Variants in SPECC1 observed in about 807,000 individuals in gnomAD.
SPECC1 encodes cytospin-B.
Under a neutral mutation model 104.1 loss-of-function variants are expected in SPECC1, and 62 were observed. The ratio of observed to expected loss-of-function variants is 0.60; its 90% CI spans 0.49 to 0.74. The LOEUF (loss-of-function observed/expected upper bound fraction) is 0.74, where lower values mean the gene tolerates loss of function less well. Ranked by LOEUF, SPECC1 falls within the 30% of genes least tolerant of loss-of-function variation. The pLI, the probability that SPECC1 is intolerant of heterozygous loss-of-function variation, is 0.00. For missense variants in SPECC1, 1,306 were observed against 1,310.5 expected (o/e 1.00, Z 0.05); for synonymous variants, 513 against 501.6 (o/e 1.02, Z -0.30).
intron 7 of SPECC1, chr17:20,238,205 C>T (rs1292168672): frequency 9.6e-7 from 1 of 1,038,736 alleles, no homozygotes; most frequent in African/African-American, 1.7e-5. Flanking sequence ...GATAGGTAAG[C>T]ACGGTGACAA....
chr17:20,035,453 T>C lies in SPECC1; in HGVS notation c.-22+26029T>C, dbSNP rs2045032099. Among the ~76,000 whole-genome samples the C allele has an allele frequency of 2.6e-5, 4 of 152,132 alleles. No homozygotes were observed. The South Asian group carries it at 8.3e-4, about 31-fold the overall frequency. On this transcript the variant is annotated intron_variant, in intron 1 of 14. Transcript: ENST00000395527. ...CACGCTATTTAAGTCTTCTTTGATT[T>C]CTTTTATCAGCGTTTTGTAGTTTTC... is the stretch of plus-strand genomic sequence containing the variant.
chr17:20,211,615 C>T (rs141187866), intron 4 of SPECC1, among the ~76,000 whole-genome samples: 86 of 152,342 alleles, frequency 5.6e-4, no homozygotes, highest in Non-Finnish European at 1.1e-3. Flanking sequence ...GCATGTGGCC[C>T]GGAACTCATG....
intron 12 of SPECC1, among the ~76,000 whole-genome samples, chr17:20,286,038 T>C (rs2040933444): frequency 6.6e-6 from 1 of 152,166 alleles, no homozygotes. Flanking sequence ...AGTCTTGAGC[T>C]CTTGGGCTTA....
intron 1 of SPECC1, among the ~76,000 whole-genome samples, chr17:20,021,859 T>G (rs1309618713): frequency 6.8e-6 from 1 of 147,254 alleles, no homozygotes; most frequent in African/African-American, 2.5e-5. Context: ...GATCTTTGCA[T>G]GCGCTTGGCA....
At chr17:20,081,455 G>T (rs947564695) in intron 1 of SPECC1, among the ~76,000 whole-genome samples, 1 of 152,106 alleles carries the variant, frequency 6.6e-6, no homozygotes, top group Non-Finnish European at 1.5e-5. Flanking sequence ...CCTGGGGAGC[G>T]GGGATGTGGG....
intron 2 of SPECC1, among the ~76,000 whole-genome samples, chr17:20,102,965 A>AGT (rs1445254958): frequency 3.3e-5 from 5 of 152,220 alleles, no homozygotes; most frequent in Non-Finnish European, 5.9e-5. Context: ...AACACTCTGA[A>AGT]GTGGGTACCA....
chr17:20,298,948 A>AGAGAGAGAGT, intron 13 of SPECC1, among the ~76,000 whole-genome samples: 6 of 49,070 alleles, frequency 1.2e-4, no homozygotes, highest in African/African-American at 5.6e-4. Flanking sequence ...AGAGAGAGAG[A>AGAGAGAGAGT]GTGTGTGTGT....
intron 1 of SPECC1, among the ~76,000 whole-genome samples, chr17:20,093,884 C>T (rs911950624): frequency 6.6e-6 from 1 of 151,786 alleles, no homozygotes; most frequent in African/African-American, 2.4e-5. Flanking sequence ...GTGTGTGTCA[C>T]CACGTCCCCC....
rs756873877 is a variant in SPECC1 at position 20,205,604 on chromosome 17, C to CT, written c.1556dup (p.Asn520GlufsTer2). On this transcript the variant is annotated frameshift_variant, in exon 4 of 15. Transcript: ENST00000395527. LOFTEE classifies it high-confidence loss of function. ...ACGTCTGAAGGAAGAAAATGAAAAA[C>CT]TGAATGAGTTTCTAGAACTGGAACG... 1 of 1,614,130 alleles carries CT rather than the reference C, an allele frequency of 6.2e-7. No individual in the cohort carries two copies. The highest frequency in any genetic ancestry group is 1.1e-5 in the South Asian group (1 of 91,072).
intron 1 of SPECC1, among the ~76,000 whole-genome samples, chr17:20,085,976 C>G (rs567736649): frequency 2.4e-3 from 360 of 152,352 alleles, no homozygotes; most frequent in Non-Finnish European, 4.5e-3. Context: ...GTGTTCCCCT[C>G]TTTTCTTCCT....
intron 12 of SPECC1, among the ~76,000 whole-genome samples, chr17:20,288,079 T>A (rs2041019719): frequency 1.3e-5 from 2 of 152,172 alleles, no homozygotes; most frequent in African/African-American, 4.8e-5. Flanking sequence ...ACTAGTTTGC[T>A]GAGGAAAGGG....
intron 2 of SPECC1, among the ~76,000 whole-genome samples, chr17:20,105,716 C>T (rs1024709211): frequency 1.3e-5 from 2 of 152,350 alleles, no homozygotes; most frequent in Admixed American, 6.5e-5. Context: ...GCCAGGTCCT[C>T]TTGCAGTGCC....
At chr17:20,043,906 G>A (rs1255431438) in intron 1 of SPECC1, among the ~76,000 whole-genome samples, 1 of 152,156 alleles carries the variant, frequency 6.6e-6, no homozygotes, top group Non-Finnish European at 1.5e-5. Flanking sequence ...AGCTTCATGT[G>A]ACAGTGATTT....
chr17:20,247,157 A>AC, intron 8 of SPECC1, 62 bp from the exon 9 acceptor site: 1 of 1,315,136 alleles, frequency 7.6e-7, no homozygotes, highest in Non-Finnish European at 1.1e-6. Context: ...GAAATCAGGA[A>AC]CAAGTATATG....
rs763400349 is a variant in SPECC1, at chr17:20,315,204, C to T, written c.*1139C>T. The stretch of plus-strand genomic sequence containing the variant: ...ATCCCAACAGTATTTCGGCTCTGGA[C>T]TGATTTGGCCTTTAGTGCTTCCCCA... On this transcript the variant is annotated 3_prime_UTR_variant, in exon 15 of 15. Transcript: ENST00000395527. 6.9e-5 allele frequency: 16 copies of T among 232,744 alleles called. No homozygotes were observed. The highest frequency in any genetic ancestry group is 1.8e-4 in the South Asian group (1 of 5,532). The allele number at this position is 232,744 out of a possible 1,614,324, so 14.4% of individuals were successfully genotyped here. A position where few individuals can be genotyped will look rare whatever the true frequency, so the allele number is the denominator to read the frequency against.
At chr17:20,228,967 A>G (rs1475862056) in intron 5 of SPECC1, among the ~76,000 whole-genome samples, 1 of 152,164 alleles carries the variant, frequency 6.6e-6, no homozygotes, top group Admixed American at 6.5e-5. Flanking sequence ...CCTTATTCAC[A>G]GATTTCACAT....
chr17:20,126,399 CTA>C (rs1408791172), intron 3 of SPECC1: 1 of 152,140 alleles, frequency 6.6e-6, no homozygotes, highest in East Asian at 1.9e-4. Context: ...AACATATGGA[CTA>C]TTTCACGACT....
intron 1 of SPECC1, among the ~76,000 whole-genome samples, chr17:20,054,893 C>T (rs1307513928): frequency 6.6e-6 from 1 of 152,076 alleles, no homozygotes; most frequent in Non-Finnish European, 1.5e-5. Flanking sequence ...GCTTGATATT[C>T]TTTTTTTATT....
At chr17:20,309,232 C>T (rs150374630) in intron 14 of SPECC1, among the ~76,000 whole-genome samples, 211 of 152,308 alleles carry the variant, frequency 1.4e-3, no homozygotes, top group African/African-American at 4.8e-3. Context: ...TGTTGAATTA[C>T]ACATGACACT....
Sources: gnomAD v4.1 joint callset for allele counts (sites outside exome capture counted in the v4.1 genomes callset) on GRCh38, gnomAD v4.1.1 for gene constraint, MANE v1.5 for transcripts, NCBI Gene and HGNC (gene_info 2026-07-23, HGNC 2026-07-21) for gene names.